ATAD2B: variants seen among roughly 807,000 people sequenced by gnomAD.
The protein encoded by ATAD2B is ATPase family AAA domain-containing protein 2B.
A neutral mutation model predicts 167.6 loss-of-function variants in ATAD2B; 40 were observed. The ratio of observed to expected loss-of-function variants is 0.24; its 90% CI spans 0.19 to 0.31. The LOEUF (loss-of-function observed/expected upper bound fraction) is 0.31. ATAD2B is among the 10% of genes least tolerant of loss of function. The pLI, the probability that ATAD2B is intolerant of heterozygous loss-of-function variation, is 1.00. For missense variants in ATAD2B, 1,242 were observed against 1,757.2 expected (o/e 0.71, Z 5.24); for synonymous variants, 579 against 596.5 (o/e 0.97, Z 0.43).
chr2:23,879,585 T>C (rs1697551218), intron 7 of ATAD2B, among the ~76,000 whole-genome samples: 1 of 152,214 alleles, frequency 6.6e-6, no homozygotes, highest in Admixed American at 6.5e-5. Context: ...GCCATTACAC[T>C]GCACCATGAA....
At chr2:23,906,060 G>C (rs995542312) in intron 1 of ATAD2B, among the ~76,000 whole-genome samples, 1 of 152,106 alleles carries the variant, frequency 6.6e-6, no homozygotes, top group African/African-American at 2.4e-5. Context: ...AGGTCGGCTG[G>C]GTGCGGTGGC....
the ATAD2B span, among the ~76,000 whole-genome samples, chr2:23,729,198 C>T: frequency 1.3e-5 from 2 of 152,200 alleles, no homozygotes. Flanking sequence ...CAAATCCAAA[C>T]CATATCAGAA....
At chr2:23,922,701 CAA>C (rs11386515) in intron 1 of ATAD2B, among the ~76,000 whole-genome samples, 7 of 126,454 alleles carry the variant, frequency 5.5e-5, no homozygotes, top group Admixed American at 7.8e-5. Context: ...GACTCTGTCT[CAA>C]AAAAAAAAAA....
chr2:23,859,085 T>A (rs1693927805), intron 12 of ATAD2B, among the ~76,000 whole-genome samples: 1 of 152,140 alleles, frequency 6.6e-6, no homozygotes, highest in African/African-American at 2.4e-5. Context: ...CCAGCAATAT[T>A]TAAGGGTGCT....
intron 22 of ATAD2B, among the ~76,000 whole-genome samples, chr2:23,779,176 T>A (rs1679618258): frequency 8.2e-5 from 1 of 12,192 alleles, no homozygotes; most frequent in Admixed American, 2.1e-3. Context: ...TTTCTTTTCT[T>A]TTTTTTTTTT....
the ATAD2B span, among the ~76,000 whole-genome samples, chr2:23,684,216 C>T: frequency 6.6e-6 from 1 of 151,744 alleles, no homozygotes; most frequent in Non-Finnish European, 1.5e-5. The surrounding 1 kb of genome is among the most constrained non-coding windows in gnomAD (Gnocchi z 4.4). Flanking sequence ...CCAGTGGCTG[C>T]TTGTTTATGC....
the ATAD2B span, among the ~76,000 whole-genome samples, chr2:23,742,544 G>C: frequency 7.5e-6 from 1 of 133,240 alleles, no homozygotes; most frequent in Admixed American, 8.4e-5. Context: ...TCACACACCA[G>C]GGACAGTTGT....
At chr2:23,865,448 G>A (rs1233229024) in intron 10 of ATAD2B, among the ~76,000 whole-genome samples, 1 of 151,292 alleles carries the variant, frequency 6.6e-6, no homozygotes, top group Non-Finnish European at 1.5e-5. Flanking sequence ...AGAATAGCTT[G>A]ATCCTGGGAG....
chr2:23,831,342 T>A (rs893232801), intron 14 of ATAD2B, among the ~76,000 whole-genome samples: 3 of 145,826 alleles, frequency 2.1e-5, no homozygotes, highest in Non-Finnish European at 4.5e-5. Context: ...TGCAAATAGT[T>A]AACAAAATTA....
At chr2:23,769,288 A>C (rs1035153755) in intron 22 of ATAD2B, among the ~76,000 whole-genome samples, 8 of 152,062 alleles carry the variant, frequency 5.3e-5, no homozygotes, top group African/African-American at 1.7e-4. Flanking sequence ...AAAACACAAA[A>C]AAATTAGCCG....
the ATAD2B span, among the ~76,000 whole-genome samples, chr2:23,682,398 C>T: frequency 6.6e-6 from 1 of 152,300 alleles, no homozygotes; most frequent in Admixed American, 6.5e-5. This position sits in a 1 kb window ranked among gnomAD's most constrained non-coding sequence, Gnocchi z 4.1. Context: ...ACCCTCAGGT[C>T]TGGCTTCGAG....
chr2:23,875,067 A>AAAAG (rs1395458302), intron 8 of ATAD2B, among the ~76,000 whole-genome samples: 1 of 151,778 alleles, frequency 6.6e-6, no homozygotes, highest in East Asian at 1.9e-4. Context: ...AAAAAAAAAA[A>AAAAG]AAAGGATAAT....
chr2:23,740,200 A>C, the ATAD2B span, among the ~76,000 whole-genome samples: 3 of 152,230 alleles, frequency 2.0e-5, no homozygotes, highest in Non-Finnish European at 4.4e-5. Flanking sequence ...AACTCATTTT[A>C]TGAGGCCAGC....
rs1387067109 is a variant in ATAD2B at position 23,758,241 on chromosome 2, T to C, written c.3395-140A>G. ...AAAACTACTTAGCTCTTGACATTCA[T>C]GCTGACTAATCCTTGCAACCTACAA... On this transcript the variant is annotated intron_variant, in intron 24 of 27. Transcript: ENST00000238789. 6 of 642,236 alleles carry C rather than the reference T, an allele frequency of 9.3e-6. No individual in the cohort carries two copies. In the South Asian group the frequency reaches 1.1e-4, roughly 12 times the overall value. 39.8% of individuals were successfully genotyped at this position (642,236 alleles called of 1,614,324 possible).
At chr2:23,818,127 C>CACACATT (rs1686798826) in intron 17 of ATAD2B, among the ~76,000 whole-genome samples, 2 of 134,410 alleles carry the variant, frequency 1.5e-5, no homozygotes, top group African/African-American at 5.5e-5. Context: ...ACACATTACA[C>CACACATT]ACACACACAC....
chr2:23,715,682 T>C, the ATAD2B span, among the ~76,000 whole-genome samples: 406 of 152,338 alleles, frequency 2.7e-3, 4 homozygotes, highest in African/African-American at 8.0e-3. Flanking sequence ...AGCCATAAAA[T>C]CTTGAGAATG....
At chr2:23,685,331 T>C in the ATAD2B span, 1 of 152,238 alleles carries the variant, frequency 6.6e-6, no homozygotes, top group African/African-American at 2.4e-5. Flanking sequence ...AGCTCCGTAG[T>C]AAGGGAGAGC....
chr2:23,704,029 G>C, the ATAD2B span, among the ~76,000 whole-genome samples: 1 of 152,202 alleles, frequency 6.6e-6, no homozygotes, highest in African/African-American at 2.4e-5. Flanking sequence ...GACCAGTAGG[G>C]TGGAGCCCAC....
the ATAD2B span, among the ~76,000 whole-genome samples, chr2:23,683,596 C>T: frequency 6.6e-6 from 1 of 152,310 alleles, no homozygotes; most frequent in African/African-American, 2.4e-5. Flanking sequence ...CTGTCTGTGC[C>T]AGCCCCAGGT....
Sources: allele counts gnomAD v4.1 joint callset (sites outside exome capture counted in the v4.1 genomes callset), GRCh38; gene constraint gnomAD v4.1.1; non-coding constraint Gnocchi (gnomAD v3.1); transcripts MANE v1.5; gene names NCBI Gene and HGNC (gene_info 2026-07-23, HGNC 2026-07-21).